The following PAH variants were observed in gnomAD, a reference collection of about 807,000 sequenced individuals.
PAH encodes phenylalanine hydroxylase, also known as phenylalanine-4-hydroxylase.
PAH carries 64 observed loss-of-function variants against 62.0 expected under a neutral mutation model. That is an observed-to-expected ratio of 1.03 (90% CI 0.84 to 1.27). The LOEUF is 1.27. Ranked by LOEUF, PAH falls within the 50% of genes most tolerant of loss-of-function variation. The probability of loss-of-function intolerance (pLI) is 0.00; values close to 1 mark genes in which losing one functional copy is unlikely to be tolerated. For missense variants in PAH, 579 were observed against 542.8 expected, an observed-to-expected ratio of 1.07 and a Z score of -0.66; for synonymous variants, 195 against 196.2, an observed-to-expected ratio of 0.99 and a Z score of 0.05.
intron 4 of PAH, among the ~76,000 whole-genome samples, chr12:102,874,714 G>GA (rs1876489191): frequency 6.6e-6 from 1 of 152,228 alleles, no homozygotes; most frequent in Non-Finnish European, 1.5e-5. Flanking sequence ...GAAAGAAGGG[G>GA]AAAGGAGGCA....
At chr12:102,909,118 G>A (rs2133295) in intron 2 of PAH, among the ~76,000 whole-genome samples, 19,473 of 152,056 alleles carry the variant, frequency 0.13, 1,531 homozygotes, top group Admixed American at 0.23. Flanking sequence ...GTGAGCCACC[G>A]TGCCTGGCCC....
intron 12 of PAH, among the ~76,000 whole-genome samples, chr12:102,839,747 A>C (rs935833636): frequency 2.0e-5 from 3 of 152,254 alleles, no homozygotes; most frequent in Non-Finnish European, 4.4e-5. Flanking sequence ...TCTAGATGGC[A>C]AGATCACTGG....
intron 5 of PAH, among the ~76,000 whole-genome samples, chr12:102,858,059 G>A (rs1235099258): frequency 6.6e-6 from 1 of 152,234 alleles, no homozygotes; most frequent in Admixed American, 6.5e-5. Context: ...AGACGTATCA[G>A]TGTGCTGTAT....
intron 2 of PAH, among the ~76,000 whole-genome samples, chr12:102,896,943 C>T (rs1488340516): frequency 6.6e-6 from 1 of 152,176 alleles, no homozygotes; most frequent in East Asian, 1.9e-4. Context: ...TTAGTGGCTG[C>T]CTGATGATCC....
At chr12:102,841,935 T>C (rs1662248352) in intron 11 of PAH, among the ~76,000 whole-genome samples, 1 of 152,184 alleles carries the variant, frequency 6.6e-6, no homozygotes, top group African/African-American at 2.4e-5. Flanking sequence ...TGGTTAGAAT[T>C]GGTTTCTCTT....
At position 102,917,225 on chromosome 12, in the gene PAH, A is replaced by C; in HGVS notation, c.-95T>G. 9.9e-7 allele frequency: 1 copy of C among 1,013,528 alleles called. No individual in the cohort carries two copies. 62.8% of individuals were successfully genotyped at this position (1,013,528 alleles called of 1,614,324 possible). ...GTGGGGCTGAAGGTTTTAACCTCGCACTAGGGAGGAGAAGAGAGTTACAAA... is the reference window on the plus strand; with the variant it reads ...GTGGGGCTGAAGGTTTTAACCTCGCCCTAGGGAGGAGAAGAGAGTTACAAA... On this transcript the variant is annotated 5_prime_UTR_variant, in exon 1 of 13. Transcript: ENST00000553106.
intron 3 of PAH, among the ~76,000 whole-genome samples, chr12:102,877,827 G>A (rs1357001932): frequency 6.6e-6 from 1 of 152,130 alleles, no homozygotes; most frequent in Non-Finnish European, 1.5e-5. Flanking sequence ...TTCTTTGATG[G>A]TTTTCTTTAG....
intron 1 of PAH, among the ~76,000 whole-genome samples, chr12:102,948,256 GAAGA>G (rs1447920355): frequency 6.6e-6 from 1 of 152,166 alleles, no homozygotes; most frequent in Admixed American, 6.5e-5. Flanking sequence ...GACCAGATTG[GAAGA>G]AATAGAGCTC....
intron 11 of PAH, among the ~76,000 whole-genome samples, chr12:102,842,619 G>A (rs1419008695): frequency 6.6e-6 from 1 of 152,136 alleles, no homozygotes; most frequent in African/African-American, 2.4e-5. Flanking sequence ...AGGGGTCTGG[G>A]GGGGATGGAA....
chr12:102,893,054 C>T (rs1592977676), intron 3 of PAH, among the ~76,000 whole-genome samples: 1 of 152,162 alleles, frequency 6.6e-6, no homozygotes, highest in East Asian at 1.9e-4. Context: ...GACCTGGGAA[C>T]TCTCTGTACT....
At chr12:102,951,604 G>A (rs1355747119), upstream of PAH, among the ~76,000 whole-genome samples, 1 of 152,204 alleles carries the variant, frequency 6.6e-6, no homozygotes, top group African/African-American at 2.4e-5. Context: ...ACCCTGGGGA[G>A]AACCTAAAGT....
chr12:102,917,977 C>T (rs1230037288), upstream of PAH, among the ~76,000 whole-genome samples: 4 of 152,302 alleles, frequency 2.6e-5, no homozygotes, highest in South Asian at 6.2e-4. Context: ...TTACTGAGAC[C>T]TGTACCGTGT....
At chr12:102,954,643 G>T (rs181981945), upstream of PAH, among the ~76,000 whole-genome samples, 2 of 152,300 alleles carry the variant, frequency 1.3e-5, no homozygotes, top group East Asian at 3.9e-4. Context: ...GGGCCTAGGA[G>T]AGCAGAACAT....
At chr12:102,899,269 T>G (rs1007135813) in intron 2 of PAH, among the ~76,000 whole-genome samples, 1 of 152,066 alleles carries the variant, frequency 6.6e-6, no homozygotes, top group African/African-American at 2.4e-5. Context: ...CACGCTTATT[T>G]GTGGGAGAGT....
At chr12:102,848,242 G>A (rs754592029) in intron 8 of PAH, among the ~76,000 whole-genome samples, 5 of 151,606 alleles carry the variant, frequency 3.3e-5, no homozygotes, top group Admixed American at 6.6e-5. Flanking sequence ...AGGGAACAAG[G>A]AGACTGAAGG....
intron 9 of PAH, 21 bp downstream of exon 9, chr12:102,846,874 C>A: frequency 6.2e-7 from 1 of 1,607,778 alleles, no homozygotes; most frequent in South Asian, 1.1e-5. Flanking sequence ...CACCATCCAC[C>A]CAGGGAGAGA....
intron 1 of PAH, among the ~76,000 whole-genome samples, chr12:102,926,881 G>T (rs1366074714): frequency 6.6e-6 from 1 of 151,876 alleles, no homozygotes; most frequent in Non-Finnish European, 1.5e-5. Flanking sequence ...CCAATTCTGT[G>T]TTCAGTGACA....
intron 3 of PAH, among the ~76,000 whole-genome samples, chr12:102,885,666 C>A (rs1278443492): frequency 6.6e-6 from 1 of 152,142 alleles, no homozygotes; most frequent in Non-Finnish European, 1.5e-5. Flanking sequence ...CTCAGGAGCA[C>A]CACTGAGCAA....
chr12:102,919,844 A>T (rs1755629647), upstream of PAH, among the ~76,000 whole-genome samples: 1 of 152,142 alleles, frequency 6.6e-6, no homozygotes, highest in Non-Finnish European at 1.5e-5. Flanking sequence ...TTTAAAACCC[A>T]TGTTGATGGA....
Sources: gnomAD v4.1 joint callset for allele counts (sites outside exome capture counted in the v4.1 genomes callset) on GRCh38, gnomAD v4.1.1 for gene constraint, MANE v1.5 for transcripts, NCBI Gene and HGNC (gene_info 2026-07-23, HGNC 2026-07-21) for gene names.